Variants in PLXDC2 observed in about 807,000 individuals in gnomAD.
PLXDC2 encodes plexin domain-containing protein 2.
In PLXDC2, 40 loss-of-function variants were observed where a neutral mutation model predicts 68.9. The observed-to-expected ratio is 0.58, with a 90% CI of 0.45 to 0.76. PLXDC2 has a LOEUF of 0.76. Among genes scored for constraint, PLXDC2 ranks in the 30% least tolerant of loss-of-function variants. PLXDC2 has a pLI of 0.00. For missense variants in PLXDC2, 644 were observed against 661.9 expected (o/e 0.97, Z 0.30); for synonymous variants, 243 against 234.2 (o/e 1.04, Z -0.34).
At chr10:20,176,935 A>G in intron 7 of PLXDC2, 64 bp from the exon 8 acceptor site, 1 of 1,218,316 alleles carries the variant, frequency 8.2e-7, no homozygotes, top group Admixed American at 1.9e-5. Flanking sequence ...ATCCATTATT[A>G]AAATGCTGTT....
In PLXDC2 at chr10:19,910,706, C is replaced by G. The variant is rs150375773; in HGVS notation, c.113-91069C>G. Reference sequence around the variant, plus strand: ...CCATGCCTATCCCCACCAGCTGCCACTATCTAAGAATAGCCTAGTTCAGGC... The same window carrying G: ...CCATGCCTATCCCCACCAGCTGCCAGTATCTAAGAATAGCCTAGTTCAGGC... On this transcript the variant is annotated intron_variant, in intron 1 of 13. Coordinates refer to ENST00000377252, the MANE Select transcript of PLXDC2 (RefSeq NM_032812.9). 6.7e-3 allele frequency among the ~76,000 whole-genome samples: 1,006 copies of G among 150,896 alleles called. 9 individuals are homozygous for G. The highest frequency in any genetic ancestry group is 0.011 in the Non-Finnish European group (740 of 67,860).
intron 4 of PLXDC2, among the ~76,000 whole-genome samples, chr10:20,083,676 A>G (rs1053014300): frequency 6.6e-6 from 1 of 152,226 alleles, no homozygotes; most frequent in African/African-American, 2.4e-5. Flanking sequence ...AGCTTTCTTC[A>G]TAACTATTTT....
rs561377687 is a variant in PLXDC2, at chr10:20,053,097, G to T, written c.471+6082G>T. ...TCCACAATAATATCTTCTAATTTCAGAGCAGAATAAAACTTAGAAATCATT... is the reference window on the plus strand; with the variant it reads ...TCCACAATAATATCTTCTAATTTCATAGCAGAATAAAACTTAGAAATCATT... On this transcript the variant is annotated intron_variant, in intron 3 of 13. Transcript: ENST00000377252. Among the ~76,000 whole-genome samples, 14 of 152,162 alleles carry T rather than the reference G, an allele frequency of 9.2e-5. No homozygotes were observed. In the East Asian group the frequency reaches 2.7e-3, roughly 29 times the overall value.
chr10:19,943,244 T>C (rs993547840), intron 1 of PLXDC2, among the ~76,000 whole-genome samples: 21 of 28,678 alleles, frequency 7.3e-4, no homozygotes, highest in Non-Finnish European at 1.4e-3. Flanking sequence ...TTGATAGAAC[T>C]TTTTTTTTTT....
intron 3 of PLXDC2, among the ~76,000 whole-genome samples, chr10:20,050,212 C>T (rs112505265): frequency 1.3e-5 from 2 of 152,132 alleles, no homozygotes; most frequent in African/African-American, 4.8e-5. Context: ...AAAATCAATT[C>T]GAGATGGACT....
chr10:20,032,369 GCA>G (rs1589596492), intron 2 of PLXDC2, among the ~76,000 whole-genome samples: 1 of 152,182 alleles, frequency 6.6e-6, no homozygotes, highest in Non-Finnish European at 1.5e-5. Context: ...GTTGTGTCAA[GCA>G]CAGTGTGTGG....
chr10:20,114,451 T>A (rs1589635584), intron 4 of PLXDC2, among the ~76,000 whole-genome samples: 1 of 152,124 alleles, frequency 6.6e-6, no homozygotes, highest in South Asian at 2.1e-4. Context: ...AACATGAAAA[T>A]GTTATGGTCC....
chr10:19,958,914 G>C (rs1834113034), intron 1 of PLXDC2, among the ~76,000 whole-genome samples: 1 of 152,140 alleles, frequency 6.6e-6, no homozygotes. Context: ...ATGCTGTCTA[G>C]GCACATTATT....
intron 6 of PLXDC2, among the ~76,000 whole-genome samples, chr10:20,150,406 T>A (rs989141785): frequency 6.6e-6 from 1 of 152,012 alleles, no homozygotes; most frequent in African/African-American, 2.4e-5. Flanking sequence ...CTGGTGGGAG[T>A]GTAAATTAGT....
rs532542905 is a variant in PLXDC2, at chr10:19,897,053, G to T, written c.112+79862G>T. On this transcript the variant is annotated intron_variant, in intron 1 of 13. Coordinates refer to ENST00000377252, the MANE Select transcript of PLXDC2 (RefSeq NM_032812.9). ...CTGCAGTCCCCTGTCACCTAGAACA[G>T]TTTCTTGCACGTAAGTTTCTGCCCT... Among the ~76,000 whole-genome samples, 12 of 152,188 alleles carry T rather than the reference G, an allele frequency of 7.9e-5. No homozygotes were observed. In the South Asian group the frequency reaches 2.3e-3, roughly 29 times the overall value.
chr10:20,182,442 G>A (rs574267491), intron 9 of PLXDC2, among the ~76,000 whole-genome samples: 1 of 151,922 alleles, frequency 6.6e-6, no homozygotes, highest in African/African-American at 2.4e-5. Flanking sequence ...CAGAAATTTG[G>A]TCCTTTTAAT....
intron 4 of PLXDC2, among the ~76,000 whole-genome samples, chr10:20,125,597 T>G (rs1432164047): frequency 6.6e-6 from 1 of 152,146 alleles, no homozygotes; most frequent in Non-Finnish European, 1.5e-5. Flanking sequence ...ACCATAGGAC[T>G]GCAAAGATCA....
At chr10:20,044,131 C>CCTCCCTCT (rs1835735324) in intron 2 of PLXDC2, among the ~76,000 whole-genome samples, 2 of 146,466 alleles carry the variant, frequency 1.4e-5, no homozygotes, top group African/African-American at 5.0e-5. Context: ...TTCCTCCCTC[C>CCTCCCTCT]CTCCCTCTCT....
chr10:20,162,071 AGAAGGAAGGAAG>A (rs1181393820), intron 6 of PLXDC2, among the ~76,000 whole-genome samples: 61 of 44,870 alleles, frequency 1.4e-3, no homozygotes, highest in East Asian at 4.4e-3. Context: ...AGAGAGAGAG[AGAAGGAAGGAAG>A]GAAGGAAGGA....
intron 12 of PLXDC2, among the ~76,000 whole-genome samples, chr10:20,226,133 T>C (rs1390911031): frequency 1.3e-5 from 2 of 152,224 alleles, no homozygotes. Context: ...ACTTCCTGGC[T>C]TTCCTGAAAC....
At chr10:19,897,232 T>A (rs1838073234) in intron 1 of PLXDC2, among the ~76,000 whole-genome samples, 1 of 136,402 alleles carries the variant, frequency 7.3e-6, no homozygotes, top group Non-Finnish European at 1.6e-5. Flanking sequence ...CTTCTCTTTT[T>A]TTTTTTGTTT....
chr10:19,921,545 G>A (rs1344088500), intron 1 of PLXDC2, among the ~76,000 whole-genome samples: 1 of 152,182 alleles, frequency 6.6e-6, no homozygotes, highest in East Asian at 1.9e-4. Flanking sequence ...CTTAGACCAT[G>A]CATCATTACG....
chr10:20,236,844 G>A (rs889733820), intron 12 of PLXDC2, among the ~76,000 whole-genome samples: 2 of 152,032 alleles, frequency 1.3e-5, no homozygotes, highest in East Asian at 1.9e-4. Context: ...TAAAAGCACC[G>A]ATCATTGAAT....
intron 6 of PLXDC2, among the ~76,000 whole-genome samples, chr10:20,154,372 C>A (rs893848515): frequency 6.6e-6 from 1 of 152,036 alleles, no homozygotes; most frequent in South Asian, 2.1e-4. Context: ...GGAGACCAGC[C>A]TGGCAACATG....
Sources: gnomAD v4.1 joint callset for allele counts (sites outside exome capture counted in the v4.1 genomes callset) on GRCh38, gnomAD v4.1.1 for gene constraint, MANE v1.5 for transcripts, NCBI Gene and HGNC (gene_info 2026-07-23, HGNC 2026-07-21) for gene names.